MAOA: variants seen among roughly 807,000 people sequenced by gnomAD.
The protein encoded by MAOA is amine oxidase [flavin-containing] A.
A neutral mutation model predicts 42.0 loss-of-function variants in MAOA; 6 were observed. The ratio of observed to expected loss-of-function variants is 0.14; its 90% CI spans 0.08 to 0.28. The LOEUF (loss-of-function observed/expected upper bound fraction) is 0.28. Ranked by LOEUF, MAOA falls within the 10% of genes least tolerant of loss-of-function variation. MAOA has a pLI of 1.00. For missense variants in MAOA, 262 were observed against 422.3 expected, an observed-to-expected ratio of 0.62 and a Z score of 3.33; for synonymous variants, 140 against 154.0, an observed-to-expected ratio of 0.91 and a Z score of 0.67.
chrX:43,724,275 C>T (rs1323439219), intron 5 of MAOA, among the ~76,000 whole-genome samples: 1 of 111,269 alleles, frequency 9.0e-6, no homozygotes, highest in African/African-American at 3.3e-5. Context: ...CTCCTTGTAC[C>T]TCTGGTAGAA....
intron 1 of MAOA, among the ~76,000 whole-genome samples, chrX:43,663,778 T>C (rs1333384809): frequency 3.6e-5 from 4 of 112,247 alleles, no homozygotes; most frequent in East Asian, 2.8e-4. Context: ...AATTTAAAAA[T>C]ATGGGACACC....
chrX:43,700,091 T>G (rs772410436), intron 3 of MAOA, among the ~76,000 whole-genome samples: 2 of 112,173 alleles, frequency 1.8e-5, no homozygotes, highest in East Asian at 5.6e-4. Flanking sequence ...TCCTTTCTTT[T>G]AAACACCTAA....
intron 5 of MAOA, among the ~76,000 whole-genome samples, chrX:43,725,427 C>T (rs1221164266): frequency 2.7e-5 from 3 of 111,253 alleles, no homozygotes; most frequent in Non-Finnish European, 5.7e-5. Context: ...ATGTAATGCC[C>T]TTCTTTGTCT....
At chrX:43,728,078 A>C in intron 5 of MAOA, 95 bp from the exon 6 acceptor site, 1 of 899,857 alleles carries the variant, frequency 1.1e-6, no homozygotes. Context: ...CAACAGAAAA[A>C]CTTTCTGAAC....
At chrX:43,719,358 C>T (rs2033770282) in intron 5 of MAOA, among the ~76,000 whole-genome samples, 1 of 109,713 alleles carries the variant, frequency 9.1e-6, no homozygotes, top group Non-Finnish European at 1.9e-5. Flanking sequence ...CTGGTGTGAC[C>T]CGCAGGGGCA....
chrX:43,670,383 T>G (rs2033319127), intron 1 of MAOA, among the ~76,000 whole-genome samples: 1 of 111,727 alleles, frequency 9.0e-6, no homozygotes, highest in Non-Finnish European at 1.9e-5. Flanking sequence ...TCAGTAGGCA[T>G]ACATACCATT....
At chrX:43,658,970 T>C (rs1409989245) in intron 1 of MAOA, among the ~76,000 whole-genome samples, 1 of 111,594 alleles carries the variant, frequency 9.0e-6, no homozygotes, top group Non-Finnish European at 1.9e-5. Flanking sequence ...CAGTTTTATA[T>C]GCCTTTGGAT....
intron 2 of MAOA, among the ~76,000 whole-genome samples, chrX:43,692,031 ACACACACGCACG>A (rs1212794012): frequency 1.5e-5 from 1 of 68,534 alleles, no homozygotes; most frequent in Non-Finnish European, 2.9e-5. Context: ...ACACACACAC[ACACACACGCACG>A]CACACATCTT....
At chrX:43,669,222 A>G (rs1043349769) in intron 1 of MAOA, among the ~76,000 whole-genome samples, 4 of 105,919 alleles carry the variant, frequency 3.8e-5, no homozygotes, top group Non-Finnish European at 5.8e-5. Context: ...CAACCTGGCC[A>G]ACATGGTAAA....
rs1284097393 is a variant in MAOA at position 43,675,754 on chromosome X, C to T, written c.74-7759C>T. ...ATCAGCAGCAGTGGCTGCAGAACAG[C>T]GGATTTTCGTGAACCACGAATGCTG... is the stretch of plus-strand genomic sequence containing the variant. On this transcript the variant is annotated intron_variant, in intron 1 of 14. Coordinates refer to ENST00000338702, the MANE Select transcript of MAOA (RefSeq NM_000240.4). Among the ~76,000 whole-genome samples, 6 of 112,060 alleles carry T rather than the reference C, an allele frequency of 5.4e-5. No homozygotes were observed. The South Asian group carries it at 1.1e-3, about 21-fold the overall frequency.
At chrX:43,691,888 G>A (rs1194489889) in intron 2 of MAOA, among the ~76,000 whole-genome samples, 2 of 110,640 alleles carry the variant, frequency 1.8e-5, no homozygotes, top group Non-Finnish European at 3.8e-5. Flanking sequence ...ATAATATCAC[G>A]TTGGGTAGCT....
chrX:43,655,636 G>C (rs1569187057), upstream of MAOA: 1 of 112,154 alleles, frequency 8.9e-6, no homozygotes, highest in East Asian at 2.8e-4. Flanking sequence ...TCATTGCAAG[G>C]GTCTGCCTTC....
At chrX:43,687,182 G>A (rs1266069956) in intron 2 of MAOA, among the ~76,000 whole-genome samples, 1 of 112,113 alleles carries the variant, frequency 8.9e-6, no homozygotes, top group Non-Finnish European at 1.9e-5. Flanking sequence ...AGACCCCAAA[G>A]ACTGAGGTGC....
chrX:43,678,454 G>A (rs1230055428), intron 1 of MAOA, among the ~76,000 whole-genome samples: 2 of 112,326 alleles, frequency 1.8e-5, no homozygotes, highest in Non-Finnish European at 3.8e-5. Flanking sequence ...TATCTTTATA[G>A]TAGCCACATT....
chrX:43,709,796 A>G (rs1472470784), intron 3 of MAOA, among the ~76,000 whole-genome samples: 4 of 111,788 alleles, frequency 3.6e-5, no homozygotes, highest in Non-Finnish European at 7.5e-5. Context: ...AGTATGTATT[A>G]GCATTTTCCA....
intron 3 of MAOA, among the ~76,000 whole-genome samples, chrX:43,709,087 C>T (rs1413137026): frequency 9.0e-6 from 1 of 111,152 alleles, no homozygotes; most frequent in African/African-American, 3.3e-5. Flanking sequence ...TCGTCTCAAA[C>T]TCCTGACCTC....
Position 43,693,925 on chromosome X carries a change from C to T in MAOA, c.306+497C>T, listed in dbSNP as rs184236213. Among the ~76,000 whole-genome samples, 60 of 111,946 alleles carry T rather than the reference C, an allele frequency of 5.4e-4. 2 individuals carry two copies. The Admixed American group carries it at 5.5e-3, about 10-fold the overall frequency. ...AGCCTTTGAACTGGTTATTCATCCT[C>T]ATTCTTACCTGGCATTATTTGGAAT... On this transcript the variant is annotated intron_variant, in intron 3 of 14. Coordinates refer to ENST00000338702, the MANE Select transcript of MAOA (RefSeq NM_000240.4).
chrX:43,669,225 A>G (rs1286213796), intron 1 of MAOA, among the ~76,000 whole-genome samples: 2 of 105,333 alleles, frequency 1.9e-5, no homozygotes, highest in East Asian at 6.0e-4. Flanking sequence ...CCTGGCCAAC[A>G]TGGTAAAACC....
chrX:43,715,236 AG>A (rs1258873578), intron 5 of MAOA, among the ~76,000 whole-genome samples: 1 of 108,974 alleles, frequency 9.2e-6, no homozygotes, highest in Non-Finnish European at 1.9e-5. Flanking sequence ...TGGCAGTGGT[AG>A]GGGGGAGAAA....
Sources: allele counts gnomAD v4.1 joint callset (sites outside exome capture counted in the v4.1 genomes callset), GRCh38; gene constraint gnomAD v4.1.1; transcripts MANE v1.5; gene names NCBI Gene and HGNC (gene_info 2026-07-23, HGNC 2026-07-21).